The following LRRIQ1 variants were observed in gnomAD, a reference collection of about 807,000 sequenced individuals.
LRRIQ1 encodes the protein leucine-rich repeat- and IQ domain-containing protein 1.
A neutral mutation model predicts 211.9 loss-of-function variants in LRRIQ1; 210 were observed. That is an observed-to-expected ratio of 0.99 (90% confidence interval 0.89 to 1.11). The LOEUF is 1.11. LRRIQ1 is among the 50% of genes most tolerant of loss of function. LRRIQ1 has a pLI of 0.00. For synonymous variants in LRRIQ1, 699 were observed against 650.1 expected, an observed-to-expected ratio of 1.08 and a Z score of -1.14; for missense variants, 2,136 against 1,939.5, an observed-to-expected ratio of 1.10 and a Z score of -1.90.
At position 85,197,999 on chromosome 12, in the gene LRRIQ1, T is replaced by TA. The variant is rs1319228145; in HGVS notation, c.4823-31516dup. On this transcript the variant is annotated intron_variant, in intron 24 of 26. Transcript: ENST00000393217. ...ATATAATTATATTATATATTATATA[T>TA]AACATATATAATATATTATATTATT... Among the ~76,000 whole-genome samples the TA allele has an allele frequency of 8.7e-5, 5 of 57,412 alleles. No individual in the cohort carries two copies. The South Asian group carries it at 1.4e-3, about 16-fold the overall frequency. 37.7% of individuals were successfully genotyped at this position (57,412 alleles called of 152,430 possible).
intron 19 of LRRIQ1, among the ~76,000 whole-genome samples, chr12:85,150,677 T>G (rs191399350): frequency 3.1e-4 from 47 of 151,842 alleles, no homozygotes; most frequent in Non-Finnish European, 4.4e-5. Flanking sequence ...GTTTCTAGAT[T>G]GCCATTTTCA....
At chr12:85,195,261 C>G (rs1892833853) in intron 24 of LRRIQ1, among the ~76,000 whole-genome samples, 1 of 151,886 alleles carries the variant, frequency 6.6e-6, no homozygotes, top group Non-Finnish European at 1.5e-5. Flanking sequence ...GGAACTGGTA[C>G]CATTCCTTCT....
chr12:85,198,810 C>A (rs975718253), intron 24 of LRRIQ1, among the ~76,000 whole-genome samples: 4 of 152,066 alleles, frequency 2.6e-5, no homozygotes, highest in African/African-American at 9.7e-5. Flanking sequence ...CCTCGTGATC[C>A]ACCCGCCTTG....
Position 85,127,825 on chromosome 12 carries a change from TTAA to T in LRRIQ1, c.4008-4_4008-2del. The T allele has an allele frequency of 6.2e-7, 1 of 1,612,528 alleles. No individual in the cohort carries two copies. Reference sequence around the variant, plus strand: ...AAAGTGTGTGTTTTTTTTTCTCCTCTTAATAGTATGGCAGCTGTGGTAATCCAG... The same window carrying T: ...AAAGTGTGTGTTTTTTTTTCTCCTCTTAGTATGGCAGCTGTGGTAATCCAG... On this transcript the variant is annotated splice_region_variant and splice_polypyrimidine_tract_variant and intron_variant, in intron 17 of 26. Coordinates refer to ENST00000393217, the MANE Select transcript of LRRIQ1 (RefSeq NM_001079910.2).
intron 19 of LRRIQ1, among the ~76,000 whole-genome samples, chr12:85,140,102 A>G (rs1889418939): frequency 6.6e-6 from 1 of 151,364 alleles, no homozygotes; most frequent in Non-Finnish European, 1.5e-5. Context: ...CTTTCTGGCT[A>G]CTTTCTATTC....
At chr12:85,211,053 A>G (rs1893813521) in intron 24 of LRRIQ1, among the ~76,000 whole-genome samples, 1 of 152,226 alleles carries the variant, frequency 6.6e-6, no homozygotes, top group African/African-American at 2.4e-5. Context: ...AAATATGCTG[A>G]TGCTCATATT....
At chr12:85,084,085 G>T (rs1313799440) in intron 11 of LRRIQ1, among the ~76,000 whole-genome samples, 2 of 151,952 alleles carry the variant, frequency 1.3e-5, no homozygotes, top group African/African-American at 4.8e-5. Flanking sequence ...GCTATTTTTG[G>T]AAAAATAGAT....
rs144215189 is a variant in LRRIQ1, at chr12:85,052,435, G to A, written c.753+184G>A. ...GAAATAGAATGTCTTAAAAATGAGAGTTAGCTGGTTTGGTGAGTGTTGTCC... is the reference window on the plus strand; with the variant it reads ...GAAATAGAATGTCTTAAAAATGAGAATTAGCTGGTTTGGTGAGTGTTGTCC... On this transcript the variant is annotated intron_variant, in intron 7 of 26. Transcript: ENST00000393217. Among the ~76,000 whole-genome samples the A allele has an allele frequency of 2.3e-3, 350 of 152,138 alleles. 3 individuals are homozygous for A. Among genetic ancestry groups the A allele is most frequent in the African/African-American group, 7.9e-3 (328 of 41,534 alleles).
At chr12:85,150,316 C>T (rs1310833080) in intron 19 of LRRIQ1, among the ~76,000 whole-genome samples, 2 of 151,498 alleles carry the variant, frequency 1.3e-5, no homozygotes, top group East Asian at 3.9e-4. Context: ...CTTGATCTTC[C>T]CTGAGATATG....
intron 1 of LRRIQ1, among the ~76,000 whole-genome samples, chr12:85,258,609 T>C (rs1896193409): frequency 3.3e-5 from 5 of 151,950 alleles, no homozygotes; most frequent in African/African-American, 9.7e-5. Context: ...TTGAATATTG[T>C]AATATCTACC....
At chr12:85,271,966 G>A in the LRRIQ1 span, among the ~76,000 whole-genome samples, 2 of 152,020 alleles carry the variant, frequency 1.3e-5, no homozygotes, top group South Asian at 4.2e-4. Flanking sequence ...ATTGGATAAA[G>A]GTACACCTTT....
intron 24 of LRRIQ1, among the ~76,000 whole-genome samples, chr12:85,194,343 T>C (rs1592950604): frequency 1.7e-5 from 2 of 117,016 alleles, no homozygotes; most frequent in Non-Finnish European, 3.5e-5. Flanking sequence ...TCTACAGAAC[T>C]CTCCACCCCA....
chr12:85,057,317 A>C (rs1881239582), intron 8 of LRRIQ1, 133 bp downstream of exon 8: 1 of 750,304 alleles, frequency 1.3e-6, no homozygotes, highest in Non-Finnish European at 2.0e-6. Context: ...TATGAATGAA[A>C]TATTACCCCA....
the LRRIQ1 span, among the ~76,000 whole-genome samples, chr12:85,270,584 T>C: frequency 6.6e-6 from 1 of 152,190 alleles, no homozygotes; most frequent in South Asian, 2.1e-4. Context: ...TTCTGCTTTT[T>C]AAGTCACTTT....
chr12:85,171,146 T>C (rs1478473212), intron 24 of LRRIQ1, among the ~76,000 whole-genome samples: 1 of 152,026 alleles, frequency 6.6e-6, no homozygotes, highest in Non-Finnish European at 1.5e-5. Context: ...GAAGAAGAAA[T>C]TGAGAATTTC....
chr12:85,118,933 C>T (rs1161766310), intron 15 of LRRIQ1, among the ~76,000 whole-genome samples: 3 of 152,034 alleles, frequency 2.0e-5, no homozygotes, highest in Non-Finnish European at 4.4e-5. Context: ...CATACCTCAA[C>T]CCCATACATG....
chr12:85,259,860 G>T (rs1223493768), intron 1 of LRRIQ1, among the ~76,000 whole-genome samples: 1 of 151,902 alleles, frequency 6.6e-6, no homozygotes, highest in Non-Finnish European at 1.5e-5. Flanking sequence ...AGTACAAAAA[G>T]ATTTAAAGAT....
intron 11 of LRRIQ1, among the ~76,000 whole-genome samples, chr12:85,078,505 A>G (rs1883920543): frequency 6.6e-6 from 1 of 152,092 alleles, no homozygotes; most frequent in Non-Finnish European, 1.5e-5. Context: ...TGTGGTACTG[A>G]TAATATTAGC....
the LRRIQ1 span, among the ~76,000 whole-genome samples, chr12:85,271,156 C>A: frequency 2.0e-5 from 3 of 152,076 alleles, no homozygotes; most frequent in East Asian, 1.9e-4. Flanking sequence ...TATTTGTGAA[C>A]AAACTTCAGA....
Sources: gnomAD v4.1 joint callset for allele counts (sites outside exome capture counted in the v4.1 genomes callset) on GRCh38, gnomAD v4.1.1 for gene constraint, MANE v1.5 for transcripts, NCBI Gene and HGNC (gene_info 2026-07-23, HGNC 2026-07-21) for gene names.